The following KIF26B variants were observed in gnomAD, a reference collection of about 807,000 sequenced individuals.
The protein encoded by KIF26B is kinesin-like protein KIF26B.
Under a neutral mutation model 151.2 loss-of-function variants are expected in KIF26B, and 63 were observed. The observed-to-expected ratio is 0.42, with a 90% CI of 0.34 to 0.51. The LOEUF (loss-of-function observed/expected upper bound fraction) is 0.51. KIF26B is among the 20% of genes least tolerant of loss of function. KIF26B has a pLI of 0.07. For missense variants in KIF26B, 2,813 were observed against 2,913.6 expected (o/e 0.97, Z 0.79); for synonymous variants, 1,357 against 1,262.1 (o/e 1.08, Z -1.59).
intron 4 of KIF26B, among the ~76,000 whole-genome samples, chr1:245,450,328 G>T (rs1126065): frequency 1.3e-5 from 2 of 152,004 alleles, no homozygotes; most frequent in Admixed American, 6.5e-5. Flanking sequence ...ACTGACATTC[G>T]TTGACTGGGA....
chr1:245,689,804 C>T (rs1050360397), intron 12 of KIF26B, among the ~76,000 whole-genome samples: 3 of 152,250 alleles, frequency 2.0e-5, no homozygotes, highest in East Asian at 1.9e-4. Context: ...GTGATCCGCC[C>T]GTCTCAGCCT....
chr1:245,158,773 T>C (rs900966193), intron 2 of KIF26B, among the ~76,000 whole-genome samples: 2 of 152,142 alleles, frequency 1.3e-5, no homozygotes, highest in Non-Finnish European at 2.9e-5. Flanking sequence ...CAGCTCATTG[T>C]TAGTAATGAG....
chr1:245,262,484 G>A (rs977457853), intron 2 of KIF26B, among the ~76,000 whole-genome samples: 10 of 151,668 alleles, frequency 6.6e-5, no homozygotes, highest in South Asian at 2.1e-4. Flanking sequence ...ATGGAGTTTC[G>A]CTATTGTTGC....
chr1:245,577,024 T>C (rs992737488), intron 5 of KIF26B, among the ~76,000 whole-genome samples: 1 of 152,252 alleles, frequency 6.6e-6, no homozygotes, highest in Admixed American at 6.5e-5. Flanking sequence ...CTCAGCATCA[T>C]TTATGTTATG....
intron 4 of KIF26B, among the ~76,000 whole-genome samples, chr1:245,499,648 G>C (rs542209112): frequency 1.3e-5 from 2 of 152,338 alleles, no homozygotes; most frequent in East Asian, 1.9e-4. Context: ...AGTAATTTGA[G>C]GGGGACAGAG....
intron 2 of KIF26B, among the ~76,000 whole-genome samples, chr1:245,363,847 G>A (rs1411390083): frequency 2.0e-5 from 3 of 152,172 alleles, no homozygotes; most frequent in Non-Finnish European, 4.4e-5. Flanking sequence ...TTGATGTTGG[G>A]CCCAGCTGTG....
intron 2 of KIF26B, among the ~76,000 whole-genome samples, chr1:245,198,177 T>G (rs1669226157): frequency 6.6e-6 from 1 of 152,152 alleles, no homozygotes; most frequent in Admixed American, 6.5e-5. Flanking sequence ...AAAACAGACC[T>G]CCAGTACTTG....
chr1:245,270,836 C>T (rs1573744867), intron 2 of KIF26B, among the ~76,000 whole-genome samples: 2 of 152,222 alleles, frequency 1.3e-5, no homozygotes, highest in African/African-American at 2.4e-5. Flanking sequence ...ATTGCCAAGA[C>T]CAATGTTTTG....
chr1:245,199,271 G>A (rs1384529686), intron 2 of KIF26B, among the ~76,000 whole-genome samples: 1 of 151,964 alleles, frequency 6.6e-6, no homozygotes, highest in Non-Finnish European at 1.5e-5. Flanking sequence ...ACCAACAGAG[G>A]GCAAATACAC....
intron 4 of KIF26B, among the ~76,000 whole-genome samples, chr1:245,433,995 T>TA (rs1015619354): frequency 3.0e-4 from 45 of 152,150 alleles, no homozygotes; most frequent in African/African-American, 9.9e-4. Context: ...ATTTTTTTTT[T>TA]AAAAAATGAA....
intron 10 of KIF26B, among the ~76,000 whole-genome samples, chr1:245,679,457 G>GTGTTTTTTTTTTTTTTTTTTTTTTTT (rs2044400945): frequency 1.7e-5 from 1 of 59,208 alleles, no homozygotes. Context: ...TTTTGTGTGT[G>GTGTTTTTTTTTTTTTTTTTTTTTTTT]TTTTTTTTTT....
intron 2 of KIF26B, among the ~76,000 whole-genome samples, chr1:245,306,387 T>C (rs1009683689): frequency 1.3e-5 from 2 of 152,234 alleles, no homozygotes; most frequent in African/African-American, 4.8e-5. Context: ...ATTGGGACGT[T>C]GCAGCTAATG....
intron 10 of KIF26B, among the ~76,000 whole-genome samples, chr1:245,683,702 C>T (rs1046376894): frequency 2.6e-5 from 4 of 152,124 alleles, no homozygotes; most frequent in African/African-American, 7.2e-5. Context: ...TGCAAATATG[C>T]GAGTTAAGGG....
At position 245,697,602 on chromosome 1, in the gene KIF26B, T is replaced by A. The variant is rs1041838588; in HGVS notation, c.5825-504T>A. 6.6e-5 allele frequency among the ~76,000 whole-genome samples: 10 copies of A among 152,154 alleles called. 1 individual carries two copies. The highest frequency in any genetic ancestry group is 2.4e-5 in the African/African-American group (1 of 41,436). ...AGATTCCTCAGGGAGTTTGCTGAGC[T>A]AAAGCCCAAGTGTTGGTTTAGGGGA... is the stretch of plus-strand genomic sequence containing the variant. On this transcript the variant is annotated intron_variant, in intron 12 of 14. Coordinates refer to ENST00000407071, the MANE Select transcript of KIF26B (RefSeq NM_018012.4).
chr1:245,584,877 G>C (rs1239109690), intron 5 of KIF26B, among the ~76,000 whole-genome samples: 8 of 152,150 alleles, frequency 5.3e-5, no homozygotes, highest in African/African-American at 1.7e-4. Context: ...AAGTACAACT[G>C]AGGAATAGAG....
Position 245,579,658 on chromosome 1 carries a change from AAAACAAACAAAC to A in KIF26B, c.1351-22894_1351-22883del, listed in dbSNP as rs60952626. Among the ~76,000 whole-genome samples the A allele has an allele frequency of 2.0e-3, 291 of 148,628 alleles. 5 individuals are homozygous for A. Among genetic ancestry groups the A allele is most frequent in the Middle Eastern group, 6.9e-3 (2 of 288 alleles). ...AACCCCATCTCTACTAAAAATACAA[AAAACAAACAAAC>A]AAACAAACAAACAAACAAACAAACC... On this transcript the variant is annotated intron_variant, in intron 5 of 14. Transcript: ENST00000407071.
chr1:245,441,724 A>G (rs180888817), intron 4 of KIF26B, among the ~76,000 whole-genome samples: 60 of 152,372 alleles, frequency 3.9e-4, no homozygotes, highest in Admixed American at 1.2e-3. Context: ...GGGAAAAGAT[A>G]ATAAAATATC....
In KIF26B at chr1:245,190,638, TG is replaced by T. The variant is rs1279342859; in HGVS notation, c.465+33956del. On this transcript the variant is annotated intron_variant, in intron 2 of 14. Coordinates refer to ENST00000407071, the MANE Select transcript of KIF26B (RefSeq NM_018012.4). Reference sequence around the variant, plus strand: ...TAAGTTTTCCCTGAATGTTTTGTTTTGTTTTTTTTTTTTTTTACATTTCTTA... The same window carrying T: ...TAAGTTTTCCCTGAATGTTTTGTTTTTTTTTTTTTTTTTTTACATTTCTTA... Among the ~76,000 whole-genome samples the T allele has an allele frequency of 1.1e-3, 123 of 116,482 alleles. 3 individuals carry two copies. The highest frequency in any genetic ancestry group is 4.3e-3 in the Middle Eastern group (1 of 230). 76.4% of individuals were successfully genotyped at this position (116,482 alleles called of 152,430 possible). A position where few individuals can be genotyped will look rare whatever the true frequency, so the allele number is the denominator to read the frequency against.
At chr1:245,339,445 A>G (rs1177938288) in intron 2 of KIF26B, among the ~76,000 whole-genome samples, 1 of 152,190 alleles carries the variant, frequency 6.6e-6, no homozygotes, top group Non-Finnish European at 1.5e-5. Flanking sequence ...TAGCTAATAT[A>G]TGTCACTGGA....
Sources: gnomAD v4.1 joint callset for allele counts (sites outside exome capture counted in the v4.1 genomes callset) on GRCh38, gnomAD v4.1.1 for gene constraint, MANE v1.5 for transcripts, NCBI Gene and HGNC (gene_info 2026-07-23, HGNC 2026-07-21) for gene names.